Variants in ENOX2 observed in about 807,000 individuals in gnomAD.
ENOX2 encodes ecto-NOX disulfide-thiol exchanger 2, also known as APK1 antigen.
ENOX2 carries 36 observed loss-of-function variants against 45.0 expected under a neutral mutation model. The ratio of observed to expected loss-of-function variants is 0.80; its 90% CI spans 0.61 to 1.06. ENOX2 has a LOEUF of 1.06. ENOX2 is among the 50% of genes least tolerant of loss of function. ENOX2 has a pLI of 0.00. For synonymous variants in ENOX2, 174 were observed against 152.3 expected, an observed-to-expected ratio of 1.14 and a Z score of -1.05; for missense variants, 423 against 462.5, an observed-to-expected ratio of 0.91 and a Z score of 0.78.
intron 2 of ENOX2, among the ~76,000 whole-genome samples, chrX:130,819,419 G>A (rs983752358): frequency 7.2e-5 from 8 of 111,767 alleles, no homozygotes; most frequent in East Asian, 5.6e-4. Flanking sequence ...TAAAACACAC[G>A]CACACGTATG....
intron 2 of ENOX2, among the ~76,000 whole-genome samples, chrX:130,898,013 T>A (rs2148599442): frequency 9.6e-6 from 1 of 104,117 alleles, no homozygotes; most frequent in African/African-American, 3.5e-5. Context: ...TTAAAATAAC[T>A]TTTTTTTTTT....
At position 130,733,350 on chromosome X, in the gene ENOX2, C is replaced by G. The variant is rs551157636; in HGVS notation, c.-38-30096G>C. Among the ~76,000 whole-genome samples, 5 of 99,881 alleles carry G rather than the reference C, an allele frequency of 5.0e-5. No homozygotes were observed. The South Asian group carries it at 2.2e-3, about 44-fold the overall frequency. The allele number at this position is 99,881 out of a possible 115,157, so 86.7% of individuals were successfully genotyped here. A position where few individuals can be genotyped will look rare whatever the true frequency, so the allele number is the denominator to read the frequency against. On this transcript the variant is annotated intron_variant, in intron 3 of 14. Coordinates refer to ENST00000394363, the MANE Select transcript of ENOX2 (RefSeq NM_006375.4). ...GATCAATATATACCTGTTAGAATGGCTTTTTTTTTTTTTTAAAGTGACAAC... is the reference window on the plus strand; with the variant it reads ...GATCAATATATACCTGTTAGAATGGGTTTTTTTTTTTTTTAAAGTGACAAC...
At chrX:130,857,112 A>G (rs1277101248) in intron 2 of ENOX2, among the ~76,000 whole-genome samples, 1 of 112,333 alleles carries the variant, frequency 8.9e-6, no homozygotes, top group East Asian at 2.8e-4. Context: ...ATATAATGGC[A>G]CATTACTCAA....
intron 3 of ENOX2, among the ~76,000 whole-genome samples, chrX:130,728,138 G>A (rs2038650578): frequency 9.0e-6 from 1 of 111,461 alleles, no homozygotes. Context: ...GCAGGTTCCT[G>A]TAGTTCAGGC....
At chrX:130,872,612 A>G (rs972202190) in intron 2 of ENOX2, among the ~76,000 whole-genome samples, 1 of 112,378 alleles carries the variant, frequency 8.9e-6, no homozygotes, top group Non-Finnish European at 1.9e-5. Context: ...AAAAGAACAA[A>G]GCTAGAAGCA....
chrX:130,709,370 G>C, intron 3 of ENOX2: 2 of 920,949 alleles, frequency 2.2e-6, no homozygotes, highest in Non-Finnish European at 3.2e-6. Context: ...GGGCGTGGTA[G>C]CTCATGCTTG....
rs775431143 is a variant in ENOX2 at position 130,622,714 on chromosome X, T to C, written c.*2600A>G. On this transcript the variant is annotated 3_prime_UTR_variant, in exon 15 of 15. Coordinates refer to ENST00000394363, the MANE Select transcript of ENOX2 (RefSeq NM_006375.4). The stretch of plus-strand genomic sequence containing the variant: ...AAGCAGCTTCATTAATAGATTTCTA[T>C]GATGGATGAAAAGGTTTGTGAGAGA... Among the ~76,000 whole-genome samples the C allele has an allele frequency of 2.7e-5, 3 of 112,309 alleles. No homozygotes were observed. The highest frequency in any genetic ancestry group is 5.6e-5 in the Non-Finnish European group (3 of 53,311).
intron 9 of ENOX2, 81 bp from the exon 10 acceptor site, chrX:130,656,776 G>T: frequency 1.7e-6 from 1 of 579,404 alleles, no homozygotes; most frequent in Non-Finnish European, 2.8e-6. Flanking sequence ...ATAAGATAAA[G>T]CAGCATTTTT....
chrX:130,899,418 T>G (rs2079109086), intron 2 of ENOX2, among the ~76,000 whole-genome samples: 1 of 111,982 alleles, frequency 8.9e-6, no homozygotes, highest in South Asian at 3.8e-4. Context: ...GAATGAAACC[T>G]GGTCCCTGCC....
chrX:130,849,342 G>C (rs975790627), intron 2 of ENOX2, among the ~76,000 whole-genome samples: 3 of 112,097 alleles, frequency 2.7e-5, no homozygotes, highest in African/African-American at 9.7e-5. Context: ...TGTAGTCAGA[G>C]ACTAAAGACA....
At chrX:130,810,219 T>G (rs2148446427) in intron 2 of ENOX2, among the ~76,000 whole-genome samples, 1 of 110,730 alleles carries the variant, frequency 9.0e-6, no homozygotes, top group African/African-American at 3.3e-5. Context: ...CAGGCTCCCA[T>G]GGACCCAGAC....
At chrX:130,822,569 C>A (rs1603360598) in intron 2 of ENOX2, among the ~76,000 whole-genome samples, 1 of 109,657 alleles carries the variant, frequency 9.1e-6, no homozygotes, top group Non-Finnish European at 1.9e-5. Context: ...TAGGTGGGAA[C>A]TGAACAATGA....
chrX:130,842,563 A>G (rs1286406269), intron 2 of ENOX2, among the ~76,000 whole-genome samples: 1 of 111,784 alleles, frequency 8.9e-6, no homozygotes, highest in Non-Finnish European at 1.9e-5. Context: ...TTCTGTCCAC[A>G]GTATTTTACA....
chrX:130,796,336 G>C (rs1224795702), intron 2 of ENOX2, among the ~76,000 whole-genome samples: 1 of 111,311 alleles, frequency 9.0e-6, no homozygotes, highest in Non-Finnish European at 1.9e-5. Flanking sequence ...AACATTTGTG[G>C]GTTTCAGTAT....
intron 2 of ENOX2, among the ~76,000 whole-genome samples, chrX:130,843,703 T>A (rs2078051850): frequency 8.9e-6 from 1 of 111,824 alleles, no homozygotes; most frequent in South Asian, 3.8e-4. Context: ...TTCATACACT[T>A]TAACATCACA....
At chrX:130,665,603 C>T in intron 9 of ENOX2, 40 bp downstream of exon 9, 1 of 949,374 alleles carries the variant, frequency 1.1e-6, no homozygotes, top group Non-Finnish European at 1.5e-6. Context: ...ACGAAAGAAA[C>T]TGTCCCCCCA....
intron 2 of ENOX2, among the ~76,000 whole-genome samples, chrX:130,801,528 AAAATT>A (rs1238319674): frequency 2.0e-4 from 23 of 112,195 alleles, no homozygotes; most frequent in African/African-American, 7.1e-4. Context: ...AGGAACAAAT[AAAATT>A]AATTAAAAAT....
At chrX:130,791,686 G>T (rs762766504) in intron 2 of ENOX2, among the ~76,000 whole-genome samples, 1 of 111,839 alleles carries the variant, frequency 8.9e-6, no homozygotes, top group East Asian at 2.8e-4. Flanking sequence ...TGCTGGAGTT[G>T]TCATGAAAGG....
At chrX:130,754,248 C>A (rs916303854) in intron 3 of ENOX2, among the ~76,000 whole-genome samples, 2 of 112,059 alleles carry the variant, frequency 1.8e-5, no homozygotes, top group Admixed American at 9.4e-5. Flanking sequence ...TATAAAATTT[C>A]TTTCCAACCT....
Sources: allele counts gnomAD v4.1 joint callset (sites outside exome capture counted in the v4.1 genomes callset), GRCh38; gene constraint gnomAD v4.1.1; transcripts MANE v1.5; gene names NCBI Gene and HGNC (gene_info 2026-07-23, HGNC 2026-07-21).